The following ABCC3 variants were observed in gnomAD, a reference collection of about 807,000 sequenced individuals.
The protein encoded by ABCC3 is ATP-binding cassette sub-family C member 3.
Under a neutral mutation model 165.3 loss-of-function variants are expected in ABCC3, and 121 were observed. That is an observed-to-expected ratio of 0.73 (90% CI 0.63 to 0.85). ABCC3 has a LOEUF of 0.85. ABCC3 is among the 40% of genes least tolerant of loss of function. The pLI, the probability that ABCC3 is intolerant of heterozygous loss-of-function variation, is 0.00. For synonymous variants in ABCC3, 733 were observed against 810.1 expected (o/e 0.90, Z 1.62); for missense variants, 1,869 against 1,964.1 (o/e 0.95, Z 0.92).
intron 26 of ABCC3, among the ~76,000 whole-genome samples, chr17:50,682,459 G>C (rs1263081439): frequency 1.3e-5 from 2 of 150,384 alleles, no homozygotes; most frequent in Non-Finnish European, 2.9e-5. Flanking sequence ...TGGCCTGCAA[G>C]GCCCTACATG....
rs1206754143 is a variant in ABCC3, at chr17:50,655,925, G to T, written c.139G>T (p.Val47Phe). ...LAWVPCIYLW[V>F]ALPCYLLYLR... ...CTGGGTGCCCTGCATCTACCTGTGG[G>T]TCGCCCTGCCCTGCTACTTGCTCTA... The change falls in exon 2 of 31, where the codon GTC (valine) becomes TTC (phenylalanine). Residue 47 changes from valine (V) to phenylalanine (F), a missense_variant. Physicochemically the swap from Val to Phe is conservative, Grantham distance 50. Coordinates refer to ENST00000285238, the MANE Select transcript of ABCC3 (RefSeq NM_003786.4). The T allele has an allele frequency of 6.2e-7, 1 of 1,614,020 alleles. No individual in the cohort carries two copies. Among genetic ancestry groups the T allele is most frequent in the Non-Finnish European group, 8.5e-7 (1 of 1,180,032 alleles).
intron 26 of ABCC3, among the ~76,000 whole-genome samples, chr17:50,682,170 G>A (rs1260982783): frequency 6.6e-6 from 1 of 151,914 alleles, no homozygotes; most frequent in Non-Finnish European, 1.5e-5. Flanking sequence ...GAAGAACTGC[G>A]CGTTTAGAGT....
In ABCC3 at chr17:50,673,990, C is replaced by CTTTCTTTCTTTCTTTCTTTCTT. The variant is rs1567835610; in HGVS notation, c.2599+333_2599+334insTTCTTTCTTTCTTTCTTTCTTT. On this transcript the variant is annotated intron_variant, in intron 19 of 30. Transcript: ENST00000285238. ...TTTCTTTCTTTCTTTCTCTCTCTCT[C>CTTTCTTTCTTTCTTTCTTTCTT]TCTCTCTCTCTCTCTCTCTCTCTCT... 3.7e-4 allele frequency among the ~76,000 whole-genome samples: 3 copies of CTTTCTTTCTTTCTTTCTTTCTT among 8,162 alleles called. 1 individual carries two copies. Among genetic ancestry groups the CTTTCTTTCTTTCTTTCTTTCTT allele is most frequent in the East Asian group, 5.0e-3 (2 of 398 alleles). 5.4% of individuals were successfully genotyped at this position (8,162 alleles called of 152,430 possible).
chr17:50,648,020 CAG>C (rs1455802390), intron 1 of ABCC3, among the ~76,000 whole-genome samples: 1 of 151,298 alleles, frequency 6.6e-6, no homozygotes, highest in Non-Finnish European at 1.5e-5. Context: ...GCCTGGGAGA[CAG>C]AGCAAGACTC....
At chr17:50,648,983 G>A (rs1282179463) in intron 1 of ABCC3, among the ~76,000 whole-genome samples, 4 of 151,814 alleles carry the variant, frequency 2.6e-5, no homozygotes, top group African/African-American at 9.7e-5. Flanking sequence ...ATTGTGACAC[G>A]TGCCTGTAAT....
intron 1 of ABCC3, among the ~76,000 whole-genome samples, chr17:50,640,578 G>A (rs565743399): frequency 9.8e-5 from 15 of 152,296 alleles, no homozygotes; most frequent in Admixed American, 7.2e-4. Context: ...GAGTGCAGTG[G>A]CGTGATCTCA....
At chr17:50,670,196 T>A (rs978583631) in intron 17 of ABCC3, among the ~76,000 whole-genome samples, 2 of 152,000 alleles carry the variant, frequency 1.3e-5, no homozygotes, top group Non-Finnish European at 2.9e-5. Flanking sequence ...AATTCTCGTG[T>A]CTCAGCCACC....
At chr17:50,668,962 C>G in intron 15 of ABCC3, 43 bp downstream of exon 15, 1 of 1,606,566 alleles carries the variant, frequency 6.2e-7, no homozygotes. Context: ...CCACGGTGGG[C>G]TGGAAGTTCA....
chr17:50,649,005 G>T (rs190662417), intron 1 of ABCC3, among the ~76,000 whole-genome samples: 2 of 151,842 alleles, frequency 1.3e-5, no homozygotes, highest in African/African-American at 2.4e-5. Flanking sequence ...CCAGCTACTC[G>T]GGAGGCTGAG....
chr17:50,687,621 A>G lies in ABCC3; in HGVS notation c.4366A>G (p.Ile1456Val). Residue 1456 changes from isoleucine (I) to valine (V), a missense_variant, in exon 30 of 31, where the codon ATC becomes GTC. Ile to Val is a conservative substitution (Grantham distance 29). Coordinates refer to ENST00000285238, the MANE Select transcript of ABCC3 (RefSeq NM_003786.4). ...ILVLDEATAA[I>V]DLETDNLIQA... ...GGTTTTAGACGAGGCCACAGCTGCC[A>G]TCGACCTGGAGACTGACAACCTCAT... The G allele has an allele frequency of 6.2e-7, 1 of 1,614,276 alleles. No individual in the cohort carries two copies. Among genetic ancestry groups the G allele is most frequent in the Non-Finnish European group, 8.5e-7 (1 of 1,180,046 alleles).
At position 50,655,858 on chromosome 17, in the gene ABCC3, A is replaced by G; in HGVS notation, c.72A>G (p.Glu24=). 6.2e-7 allele frequency: 1 copy of G among 1,614,028 alleles called. No homozygotes were observed. The highest frequency in any genetic ancestry group is 8.5e-7 in the Non-Finnish European group (1 of 1,179,986). The part of the protein sequence containing the change: ...FWDSNLSVHT[E]NPDLTPCFQN... ...ACTCCAACCTGTCTGTGCACACAGA[A>G]AACCCGGACCTCACTCCCTGCTTCC... Residue 24 remains glutamate (E), a synonymous_variant, in exon 2 of 31, where the codon GAA becomes GAG. Coordinates refer to ENST00000285238, the MANE Select transcript of ABCC3 (RefSeq NM_003786.4).
chr17:50,645,221 G>T (rs115082896), intron 1 of ABCC3, among the ~76,000 whole-genome samples: 29,752 of 140,962 alleles, frequency 0.21, 3,862 homozygotes, highest in Non-Finnish European at 0.29. Context: ...AAAAAAGAAA[G>T]AAATTAACCA....
chr17:50,641,347 C>T (rs372458267), intron 1 of ABCC3, among the ~76,000 whole-genome samples: 5 of 152,292 alleles, frequency 3.3e-5, no homozygotes, highest in East Asian at 1.9e-4. Flanking sequence ...CTCTTCAGAG[C>T]GGGAATGAGA....
chr17:50,658,977 C>A (rs1053218262), intron 6 of ABCC3, among the ~76,000 whole-genome samples: 3 of 152,184 alleles, frequency 2.0e-5, no homozygotes, highest in African/African-American at 7.2e-5. Flanking sequence ...GATTCCATCA[C>A]CAGGGCCTGG....
intron 17 of ABCC3, 35 bp downstream of exon 17, chr17:50,669,563 G>A (rs756482646): frequency 3.7e-6 from 6 of 1,603,188 alleles, no homozygotes; most frequent in Admixed American, 1.7e-5. Flanking sequence ...AGAGGCTAGG[G>A]CATAGAGCTG....
chr17:50,660,459 A>G (rs891457409), intron 7 of ABCC3, among the ~76,000 whole-genome samples: 1 of 152,164 alleles, frequency 6.6e-6, no homozygotes, highest in Non-Finnish European at 1.5e-5. Flanking sequence ...GGGGCTGGGC[A>G]TGGTTAGCAG....
rs1221588643 is a variant in ABCC3, at chr17:50,672,609, CA to C, written c.2242-361del. On this transcript the variant is annotated intron_variant, in intron 17 of 30. Transcript: ENST00000285238. The stretch of plus-strand genomic sequence containing the variant: ...GCACAGTGGCTCACACCTGTAATCC[CA>C]GCACTTTACTTTGGGAGGCTGACGT... Among the ~76,000 whole-genome samples the C allele has an allele frequency of 7.2e-5, 11 of 152,178 alleles. No homozygotes were observed. The East Asian group carries it at 2.1e-3, about 29-fold the overall frequency.
In ABCC3 at chr17:50,664,081, G is replaced by A; in HGVS notation, c.1308G>A (p.Gln436=). The stretch of plus-strand genomic sequence containing the variant: ...ATCTGCTGTGGTCAGCACCCCTGCA[G>A]ATCATCCTGGCGATCTACTTCCTCT... ...FLNLLWSAPL[Q]IILAIYFLWQ... The change falls in exon 10 of 31, where the codon CAG becomes CAA. Residue 436 remains glutamine, a synonymous_variant. Transcript: ENST00000285238. 3 of 1,614,224 alleles carry A rather than the reference G, an allele frequency of 1.9e-6. No individual in the cohort carries two copies.
At chr17:50,671,259 T>TAAAAAA (rs528722797) in intron 17 of ABCC3, among the ~76,000 whole-genome samples, 1 of 133,260 alleles carries the variant, frequency 7.5e-6, no homozygotes, top group African/African-American at 3.0e-5. Context: ...GACTCTGTCT[T>TAAAAAA]AAAAAAAAAA....
Sources: gnomAD v4.1 joint callset for allele counts (sites outside exome capture counted in the v4.1 genomes callset) on GRCh38, gnomAD v4.1.1 for gene constraint, MANE v1.5 for transcripts, NCBI Gene and HGNC (gene_info 2026-07-23, HGNC 2026-07-21) for gene names.